BDNF: variants seen among roughly 807,000 people sequenced by gnomAD.
BDNF encodes the protein brain derived neurotrophic factor, also known as neurotrophic factor BDNF precursor form.
A neutral mutation model predicts 19.5 loss-of-function variants in BDNF; 1 was observed. The observed-to-expected ratio is 0.05, with a 90% confidence interval of 0.02 to 0.24. BDNF has a LOEUF of 0.24. BDNF is among the 10% of genes least tolerant of loss of function. The pLI is 1.00. For missense variants in BDNF, 195 were observed against 317.6 expected (o/e 0.61, Z 2.93); for synonymous variants, 100 against 121.6 (o/e 0.82, Z 1.17).
At chr11:27,684,824 C>T (rs1857274762) in intron 1 of BDNF, among the ~76,000 whole-genome samples, 1 of 152,102 alleles carries the variant, frequency 6.6e-6, no homozygotes, top group Non-Finnish European at 1.5e-5. Context: ...AAGATTTTTG[C>T]ATCAATGTTC....
chr11:27,680,287 A>C, intron 1 of BDNF, among the ~76,000 whole-genome samples: 1 of 152,224 alleles, frequency 6.6e-6, no homozygotes, highest in East Asian at 1.9e-4. Context: ...GAGAATGAAA[A>C]GAGGGAGGAA....
chr11:27,697,164 C>G (rs11030116), intron 1 of BDNF, among the ~76,000 whole-genome samples: 91,042 of 132,842 alleles, frequency 0.69, 30,997 homozygotes, highest in East Asian at 0.92. Flanking sequence ...CACACACACA[C>G]AGAGAGAGAG....
At chr11:27,681,776 GA>G (rs1856856250) in intron 1 of BDNF, among the ~76,000 whole-genome samples, 1 of 152,162 alleles carries the variant, frequency 6.6e-6, no homozygotes, top group Admixed American at 6.5e-5. Context: ...AACAGTGGCT[GA>G]AATTCATTAA....
intron 1 of BDNF, chr11:27,674,173 A>G: frequency 6.2e-7 from 1 of 1,609,796 alleles, no homozygotes. Flanking sequence ...GCGTGTGGGT[A>G]GACGCCAAAA....
At chr11:27,666,035 A>G (rs1012017065) in intron 1 of BDNF, among the ~76,000 whole-genome samples, 4 of 152,070 alleles carry the variant, frequency 2.6e-5, no homozygotes, top group African/African-American at 9.7e-5. Flanking sequence ...GCCGACTGAC[A>G]CCTCATACGG....
intron 1 of BDNF, chr11:27,674,603 A>G (rs1590321970): frequency 2.0e-6 from 2 of 985,156 alleles, no homozygotes; most frequent in Non-Finnish European, 2.4e-6. Context: ...AAAGATCCAT[A>G]TGGCTGGCCA....
At chr11:27,685,660 G>C (rs1229738516) in intron 1 of BDNF, among the ~76,000 whole-genome samples, 1 of 152,148 alleles carries the variant, frequency 6.6e-6, no homozygotes, top group Non-Finnish European at 1.5e-5. Context: ...TATTTACTCA[G>C]TAGTCATTCA....
intron 1 of BDNF, among the ~76,000 whole-genome samples, chr11:27,710,547 T>C (rs1449853989): frequency 4.6e-5 from 7 of 152,180 alleles, no homozygotes; most frequent in Non-Finnish European, 7.3e-5. Flanking sequence ...AGGAAGAGCA[T>C]TGAATTGCAC....
intron 1 of BDNF, chr11:27,674,075 T>G (rs2133914000): frequency 6.2e-7 from 1 of 1,607,624 alleles, no homozygotes; most frequent in East Asian, 2.2e-5. Context: ...TGAAACCATT[T>G]TCAGGGATCA....
chr11:27,662,278 T>A (rs1853582213), intron 1 of BDNF, among the ~76,000 whole-genome samples: 1 of 152,220 alleles, frequency 6.6e-6, no homozygotes, highest in Non-Finnish European at 1.5e-5. Context: ...AGCTGAAAGG[T>A]AAGTTCTTTG....
Position 27,658,759 on chromosome 11 carries a change from G to A in BDNF, c.-21-174C>T. 2.0e-6 allele frequency: 3 copies of A among 1,496,194 alleles called. No homozygotes were observed. The highest frequency in any genetic ancestry group is 2.5e-5 in the East Asian group (1 of 40,698). 92.7% of individuals were successfully genotyped at this position (1,496,194 alleles called of 1,614,324 possible). A position where few individuals can be genotyped will look rare whatever the true frequency, so the allele number is the denominator to read the frequency against. On this transcript the variant is annotated intron_variant, in intron 1 of 1. Coordinates refer to ENST00000356660, the MANE Select transcript of BDNF (RefSeq NM_001709.5). The surrounding 1 kb of genome is among the most constrained non-coding windows in gnomAD (Gnocchi z 5.7). ...CACAAATCAGTGTCAGTAGTGTGCT[G>A]TATGTGGTTTAATATAAACCAGAGA...
intron 1 of BDNF, among the ~76,000 whole-genome samples, chr11:27,698,481 A>G (rs1236141968): frequency 2.0e-5 from 3 of 152,178 alleles, no homozygotes; most frequent in African/African-American, 4.8e-5. Flanking sequence ...CGTTCATACA[A>G]ATTAAATCTG....
intron 1 of BDNF, chr11:27,677,610 C>G (rs1368248764): frequency 6.6e-6 from 1 of 151,984 alleles, no homozygotes; most frequent in Non-Finnish European, 1.5e-5. Flanking sequence ...ATAAAACACA[C>G]TATCAAGGAT....
At chr11:27,691,605 G>C (rs1858305201) in intron 1 of BDNF, among the ~76,000 whole-genome samples, 1 of 152,176 alleles carries the variant, frequency 6.6e-6, no homozygotes, top group Non-Finnish European at 1.5e-5. Flanking sequence ...CCTAAAAGCA[G>C]TATGAGAGAT....
chr11:27,702,712 T>C (rs1859958060), upstream of BDNF, among the ~76,000 whole-genome samples: 1 of 152,212 alleles, frequency 6.6e-6, no homozygotes, highest in Admixed American at 6.5e-5. Flanking sequence ...GCAAAATGAA[T>C]TCACTAACAT....
intron 1 of BDNF, among the ~76,000 whole-genome samples, chr11:27,659,992 T>C (rs537966146): frequency 1.3e-5 from 2 of 152,200 alleles, no homozygotes; most frequent in South Asian, 2.1e-4. Flanking sequence ...CAGCAAAGAG[T>C]AGCATCCCCA....
intron 1 of BDNF, among the ~76,000 whole-genome samples, chr11:27,661,827 T>C (rs543466393): frequency 6.6e-6 from 1 of 152,290 alleles, no homozygotes; most frequent in Admixed American, 6.5e-5. Flanking sequence ...TCCATTCCTC[T>C]GACAAACTCC....
intron 1 of BDNF, among the ~76,000 whole-genome samples, chr11:27,717,027 T>C (rs1437219156): frequency 6.6e-6 from 1 of 152,192 alleles, no homozygotes; most frequent in Non-Finnish European, 1.5e-5. Flanking sequence ...GATTTTGGAA[T>C]GTTGTTTCTT....
At position 27,686,836 on chromosome 11, in the gene BDNF, C is replaced by CT. The variant is rs112205319; in HGVS notation, c.-22+13327dup. On this transcript the variant is annotated intron_variant, in intron 1 of 1. Coordinates refer to ENST00000356660, the MANE Select transcript of BDNF (RefSeq NM_001709.5). ...GACCTTTCTCTCTCGCTGCCCTTAACTTTTTTTCCTGCATTTCAACCTTGG... is the reference window on the plus strand; with the variant it reads ...GACCTTTCTCTCTCGCTGCCCTTAACTTTTTTTTCCTGCATTTCAACCTTGG... Among the ~76,000 whole-genome samples the CT allele has an allele frequency of 4.8e-3, 724 of 152,288 alleles. 4 individuals are homozygous for CT. The highest frequency in any genetic ancestry group is 0.017 in the African/African-American group (696 of 41,560).
Sources: allele counts gnomAD v4.1 joint callset (sites outside exome capture counted in the v4.1 genomes callset), GRCh38; gene constraint gnomAD v4.1.1; non-coding constraint Gnocchi (gnomAD v3.1); transcripts MANE v1.5; gene names NCBI Gene and HGNC (gene_info 2026-07-23, HGNC 2026-07-21).